ZKSCAN2: variants seen among roughly 807,000 people sequenced by gnomAD.
ZKSCAN2 encodes zinc finger with KRAB and SCAN domains 2.
A neutral mutation model predicts 90.5 loss-of-function variants in ZKSCAN2; 38 were observed. The ratio of observed to expected loss-of-function variants is 0.42; its 90% CI spans 0.32 to 0.55. ZKSCAN2 has a LOEUF of 0.55. Among genes scored for constraint, ZKSCAN2 ranks in the 20% least tolerant of loss-of-function variants. The pLI, the probability that ZKSCAN2 is intolerant of heterozygous loss-of-function variation, is 0.11. For synonymous variants in ZKSCAN2, 429 were observed against 421.6 expected (o/e 1.02, Z -0.22); for missense variants, 1,167 against 1,202.6 (o/e 0.97, Z 0.44).
intron 4 of ZKSCAN2, among the ~76,000 whole-genome samples, chr16:25,249,224 T>C (rs1325449747): frequency 6.6e-6 from 1 of 152,242 alleles, no homozygotes; most frequent in Non-Finnish European, 1.5e-5. Context: ...ATCTATTATA[T>C]AAATTTAGTA....
At chr16:25,249,573 T>C (rs955931515) in intron 4 of ZKSCAN2, among the ~76,000 whole-genome samples, 12 of 152,140 alleles carry the variant, frequency 7.9e-5, no homozygotes, top group African/African-American at 2.7e-4. Context: ...TGAGCCACCA[T>C]GCCCTGCCTA....
rs962397588 is a variant in ZKSCAN2 at position 25,257,133 on chromosome 16, A to T, written c.-6T>A. On this transcript the variant is annotated 5_prime_UTR_variant, in exon 1 of 7. Coordinates refer to ENST00000328086, the MANE Select transcript of ZKSCAN2 (RefSeq NM_001012981.5). ...GAGTCGAGGGCGACAGCCATGCTGC[A>T]GCCCAGGGGTCAACTTCACGTCTAG... 7.0e-6 allele frequency: 11 copies of T among 1,582,428 alleles called. No individual in the cohort carries two copies. Among genetic ancestry groups the T allele is most frequent in the Non-Finnish European group, 9.4e-6 (11 of 1,164,542 alleles).
chr16:25,250,010 C>T (rs1038249188), intron 4 of ZKSCAN2, among the ~76,000 whole-genome samples: 1 of 151,950 alleles, frequency 6.6e-6, no homozygotes, highest in African/African-American at 2.4e-5. Context: ...GAGTACTAGC[C>T]AGTCATAAAA....
At position 25,240,024 on chromosome 16, in the gene ZKSCAN2, C is replaced by T. The variant is rs138666050; in HGVS notation, c.2696G>A (p.Cys899Tyr). Residue 899 changes from cysteine to tyrosine, a missense_variant, in exon 7 of 7, where the codon TGT (cysteine) becomes TAT (tyrosine). Physicochemically the swap from Cys to Tyr is radical, Grantham distance 194 (BLOSUM62 -2). Transcript: ENST00000328086. ...CVDCEKSFNN[C>Y]TRFREHRRIH... ...TCTCCGATGTTCTCGAAATCTCGTACAGTTATTGAAACTTTTTTCACAGTC... is the reference window on the plus strand; with the variant it reads ...TCTCCGATGTTCTCGAAATCTCGTATAGTTATTGAAACTTTTTTCACAGTC... 21 of 1,613,950 alleles carry T rather than the reference C, an allele frequency of 1.3e-5. No individual in the cohort carries two copies. In the African/African-American group the frequency reaches 2.1e-4, roughly 16 times the overall value.
In ZKSCAN2 at chr16:25,251,953, T is replaced by C; in HGVS notation, c.761A>G (p.Tyr254Cys). ...AACATTCTCCTTCCTGAAATCCCGG[T>C]AGAGGTCCCTTTGGGCAGGAATCTG... ...VHQIPAQRDLYRDFRKENVGN... is the reference protein window; with the variant it reads ...VHQIPAQRDLCRDFRKENVGN... Residue 254 changes from tyrosine (Y) to cysteine (C), a missense_variant, in exon 4 of 7, where the codon TAC becomes TGC. By Grantham distance (194) the Tyr-to-Cys change is radical. Transcript: ENST00000328086. 4.3e-6 allele frequency: 7 copies of C among 1,614,022 alleles called. No homozygotes were observed. Among genetic ancestry groups the C allele is most frequent in the Non-Finnish European group, 5.1e-6 (6 of 1,179,974 alleles).
chr16:25,247,173 C>A lies in ZKSCAN2; in HGVS notation c.1023G>T (p.Val341=). Reference sequence around the variant, plus strand: ...TCTTTGTTTCCTCATAGCTCCAATGCACACCTGCTATCTTTTCATCTTCTA... The same window carrying A: ...TCTTTGTTTCCTCATAGCTCCAATGAACACCTGCTATCTTTTCATCTTCTA... ...WGLEDEKIAG[V]HWSYEETKTF... The change falls in exon 5 of 7, where the codon GTG becomes GTT. Residue 341 remains valine, a synonymous_variant. Coordinates refer to ENST00000328086, the MANE Select transcript of ZKSCAN2 (RefSeq NM_001012981.5). 1.2e-6 allele frequency: 2 copies of A among 1,614,186 alleles called. No homozygotes were observed. Among genetic ancestry groups the A allele is most frequent in the Non-Finnish European group, 1.7e-6 (2 of 1,180,034 alleles).
In ZKSCAN2 at chr16:25,240,326, T is replaced by G. The variant is rs1405182755; in HGVS notation, c.2394A>C (p.Thr798=). 1 of 1,614,146 alleles carries G rather than the reference T, an allele frequency of 6.2e-7. No homozygotes were observed. Among genetic ancestry groups the G allele is most frequent in the South Asian group, 1.1e-5 (1 of 91,082 alleles). ...CAAGACATTTAAAAGGTTTTTCGCC[T>G]GTGTGGATTCTTTGGTGTCTGATCA... ...RSLIRHQRIH[T]GEKPFKCLDC... Residue 798 remains threonine, a synonymous_variant, in exon 7 of 7, where the codon ACA becomes ACC. Coordinates refer to ENST00000328086, the MANE Select transcript of ZKSCAN2 (RefSeq NM_001012981.5).
At chr16:25,248,340 A>C (rs1962969857) in intron 4 of ZKSCAN2, among the ~76,000 whole-genome samples, 1 of 148,872 alleles carries the variant, frequency 6.7e-6, no homozygotes, top group Non-Finnish European at 1.5e-5. Flanking sequence ...AACAGTCAAC[A>C]AAGTGATGAA....
rs1359047308 is a variant in ZKSCAN2, at chr16:25,239,444, G to C, written c.*372C>G. On this transcript the variant is annotated 3_prime_UTR_variant, in exon 7 of 7. Transcript: ENST00000328086. ...GTTTCATCCAGGATCTCACGGAGTA[G>C]GTAATAACAACAAAAAAACTTTTGG... 1 of 169,120 alleles carries C rather than the reference G, an allele frequency of 5.9e-6. No homozygotes were observed. Among genetic ancestry groups the C allele is most frequent in the African/African-American group, 2.4e-5 (1 of 41,882 alleles). The allele number at this position is 169,120 out of a possible 1,614,324, so 10.5% of individuals were successfully genotyped here.
At chr16:25,254,287 T>C (rs933957668) in intron 2 of ZKSCAN2, among the ~76,000 whole-genome samples, 5 of 152,188 alleles carry the variant, frequency 3.3e-5, no homozygotes, top group African/African-American at 1.2e-4. Flanking sequence ...AAGACTGAGA[T>C]GAAGCCACAC....
intron 4 of ZKSCAN2, 99 bp from the exon 5 acceptor site, chr16:25,247,489 C>T (rs1262999224): frequency 9.5e-6 from 9 of 951,128 alleles, no homozygotes; most frequent in Non-Finnish European, 1.4e-5. Context: ...CTTGTTCACA[C>T]CCAAACCTTC....
At chr16:25,244,324 C>G (rs759651655) in intron 5 of ZKSCAN2, 48 bp from the exon 6 acceptor site, 1 of 1,573,386 alleles carries the variant, frequency 6.4e-7, no homozygotes, top group Non-Finnish European at 8.6e-7. Context: ...AAAGGAGTCT[C>G]TAGCCTCTAT....
intron 4 of ZKSCAN2, among the ~76,000 whole-genome samples, chr16:25,251,643 T>C (rs1325376805): frequency 6.6e-6 from 1 of 152,206 alleles, no homozygotes; most frequent in African/African-American, 2.4e-5. Flanking sequence ...ATAATACCAT[T>C]TACTGTACTA....
rs966419209 is a variant in ZKSCAN2, at chr16:25,239,601, C to T, written c.*215G>A. Reference sequence around the variant, plus strand: ...ATTCTGAACTCGGACAATGTATCTTCGCCACATTCTTAAAGGAGAAGCTGA... The same window carrying T: ...ATTCTGAACTCGGACAATGTATCTTTGCCACATTCTTAAAGGAGAAGCTGA... On this transcript the variant is annotated 3_prime_UTR_variant, in exon 7 of 7. Transcript: ENST00000328086. The T allele has an allele frequency of 2.5e-5, 12 of 489,662 alleles. No individual in the cohort carries two copies. Among genetic ancestry groups the T allele is most frequent in the Middle Eastern group, 5.3e-4 (1 of 1,900 alleles). 30.3% of individuals were successfully genotyped at this position (489,662 alleles called of 1,614,324 possible).
chr16:25,253,194 CT>C (rs556048584), intron 2 of ZKSCAN2, among the ~76,000 whole-genome samples, 157 bp from the exon 3 acceptor site: 315 of 152,254 alleles, frequency 2.1e-3, no homozygotes, highest in African/African-American at 7.1e-3. Flanking sequence ...ACACAGTACC[CT>C]AAAGCTGGGA....
At chr16:25,240,987 A>T (rs1962844156) in intron 6 of ZKSCAN2, among the ~76,000 whole-genome samples, 1 of 152,124 alleles carries the variant, frequency 6.6e-6, no homozygotes, top group South Asian at 2.1e-4. Context: ...CCATATCCCG[A>T]TTAACAAGGG....
intron 2 of ZKSCAN2, among the ~76,000 whole-genome samples, chr16:25,253,331 T>C (rs1295700671): frequency 7.9e-5 from 12 of 152,078 alleles, no homozygotes; most frequent in African/African-American, 2.7e-4. Flanking sequence ...AATGCTCAGG[T>C]CCCGCTCATG....
In ZKSCAN2 at chr16:25,243,759, T is replaced by TAAAACTCCTTGGTTTAGCACC. The variant is rs1555489481; in HGVS notation, c.1981+25_1981+26insGGTGCTAAACCAAGGAGTTTT. 4.5e-6 allele frequency: 7 copies of TAAAACTCCTTGGTTTAGCACC among 1,558,600 alleles called. No homozygotes were observed. The African/African-American group carries it at 8.3e-5, about 19-fold the overall frequency. On this transcript the variant is annotated intron_variant, in intron 6 of 6. Coordinates refer to ENST00000328086, the MANE Select transcript of ZKSCAN2 (RefSeq NM_001012981.5). ...AATCACACTTATTCCTCTTTTGGAC[T>TAAAACTCCTTGGTTTAGCACC]AAAACTCCTTGGTTTTGCACCTTAC...
At chr16:25,253,915 C>T (rs550394657) in intron 2 of ZKSCAN2, among the ~76,000 whole-genome samples, 6 of 152,208 alleles carry the variant, frequency 3.9e-5, no homozygotes, top group South Asian at 2.1e-4. Context: ...GACTGAGGCA[C>T]GAGAATTGCT....
Sources: gnomAD v4.1 joint callset for allele counts (sites outside exome capture counted in the v4.1 genomes callset) on GRCh38, gnomAD v4.1.1 for gene constraint, MANE v1.5 for transcripts, NCBI Gene and HGNC (gene_info 2026-07-23, HGNC 2026-07-21) for gene names.